The following FHIT variants were observed in gnomAD, a reference collection of about 807,000 sequenced individuals.
FHIT encodes bis(5'-adenosyl)-triphosphatase.
Under a neutral mutation model 17.9 loss-of-function variants are expected in FHIT, and 19 were observed. The ratio of observed to expected loss-of-function variants is 1.06; its 90% CI spans 0.74 to 1.56. The LOEUF is 1.56. Ranked by LOEUF, FHIT falls within the 40% of genes most tolerant of loss-of-function variation. The pLI is 0.00. For synonymous variants in FHIT, 81 were observed against 69.7 expected (o/e 1.16, Z -0.81); for missense variants, 248 against 189.2 (o/e 1.31, Z -1.82).
In FHIT at chr3:60,976,096, C is replaced by CTTTTTTTTTTTTTTTTTTTT. The variant is rs869239307; in HGVS notation, c.-111+65931_-111+65950dup. Among the ~76,000 whole-genome samples the CTTTTTTTTTTTTTTTTTTTT allele has an allele frequency of 1.1e-3, 76 of 66,790 alleles. 9 individuals are homozygous for CTTTTTTTTTTTTTTTTTTTT. Among genetic ancestry groups the CTTTTTTTTTTTTTTTTTTTT allele is most frequent in the South Asian group, 4.7e-3 (7 of 1,494 alleles). 43.8% of individuals were successfully genotyped at this position (66,790 alleles called of 152,430 possible). On this transcript the variant is annotated intron_variant, in intron 3 of 9. Transcript: ENST00000492590. ...CTTTGTATCTTTCGTTTTTCTTTTT[C>CTTTTTTTTTTTTTTTTTTTT]TTTTTTTTTTTTTTTTTTTTTTTTT...
chr3:60,258,546 C>T (rs912051235), intron 5 of FHIT, among the ~76,000 whole-genome samples: 7 of 150,658 alleles, frequency 4.6e-5, no homozygotes, highest in African/African-American at 1.2e-4. Flanking sequence ...AAGATTATTA[C>T]TTTAAAATAT....
At chr3:59,999,119 G>C (rs1045180989) in intron 7 of FHIT, among the ~76,000 whole-genome samples, 2 of 151,922 alleles carry the variant, frequency 1.3e-5, no homozygotes, top group African/African-American at 2.4e-5. Flanking sequence ...GGGTTTTCTC[G>C]CAGTCGACAA....
chr3:60,955,818 C>A (rs1185247642), intron 3 of FHIT, among the ~76,000 whole-genome samples: 6 of 151,682 alleles, frequency 4.0e-5, no homozygotes, highest in Non-Finnish European at 7.4e-5. Flanking sequence ...TGTTACAGTT[C>A]TTAAGGTAGA....
intron 4 of FHIT, among the ~76,000 whole-genome samples, chr3:60,805,997 A>G (rs1464876849): frequency 6.6e-6 from 1 of 152,246 alleles, no homozygotes; most frequent in Non-Finnish European, 1.5e-5. Flanking sequence ...AGAAGCATGA[A>G]TATTCTGTAT....
intron 3 of FHIT, among the ~76,000 whole-genome samples, chr3:60,863,367 G>A (rs1377042773): frequency 6.6e-6 from 1 of 152,218 alleles, no homozygotes; most frequent in African/African-American, 2.4e-5. Context: ...TTAGCCCAGT[G>A]AGACATGTAT....
intron 3 of FHIT, among the ~76,000 whole-genome samples, chr3:60,902,578 G>T (rs1239254364): frequency 6.6e-6 from 1 of 152,118 alleles, no homozygotes; most frequent in Admixed American, 6.6e-5. Flanking sequence ...AACAATTTTC[G>T]ATTCAAGACA....
At chr3:60,947,571 G>A (rs1486194703) in intron 3 of FHIT, among the ~76,000 whole-genome samples, 1 of 152,042 alleles carries the variant, frequency 6.6e-6, no homozygotes, top group East Asian at 1.9e-4. Flanking sequence ...ATTCTAATTG[G>A]TTGCATTCAC....
At chr3:61,079,345 G>T (rs979393891) in intron 2 of FHIT, among the ~76,000 whole-genome samples, 1 of 152,072 alleles carries the variant, frequency 6.6e-6, no homozygotes, top group Non-Finnish European at 1.5e-5. Flanking sequence ...TCACTTTGAG[G>T]ACACTATAGT....
intron 3 of FHIT, among the ~76,000 whole-genome samples, chr3:60,843,084 A>T (rs1277627157): frequency 6.6e-6 from 1 of 152,170 alleles, no homozygotes; most frequent in Non-Finnish European, 1.5e-5. Context: ...GTCTGTCTGC[A>T]GAAAGTAAGA....
intron 4 of FHIT, among the ~76,000 whole-genome samples, chr3:60,606,850 C>G (rs782472382): frequency 6.6e-6 from 1 of 152,124 alleles, no homozygotes; most frequent in Non-Finnish European, 1.5e-5. Flanking sequence ...TCCCTCCTGC[C>G]CGCATCTTGA....
rs1576102231 is a variant in FHIT, at chr3:60,101,789, T to C, written c.104-87637A>G. On this transcript the variant is annotated intron_variant, in intron 5 of 9. Coordinates refer to ENST00000492590, the MANE Select transcript of FHIT (RefSeq NM_002012.4). ...CAAGGTCTGTCATTACCTGGGCCCC[T>C]GCCATCCTTTCCAGCCTTATCAACC... Among the ~76,000 whole-genome samples the C allele has an allele frequency of 2.6e-5, 4 of 152,292 alleles. No homozygotes were observed. The South Asian group carries it at 8.3e-4, about 32-fold the overall frequency.
At chr3:60,992,674 C>T (rs1001446463) in intron 3 of FHIT, among the ~76,000 whole-genome samples, 1 of 152,322 alleles carries the variant, frequency 6.6e-6, no homozygotes, top group African/African-American at 2.4e-5. Flanking sequence ...TTCCCAAAAC[C>T]CTCTCTGGTG....
In FHIT at chr3:60,185,805, G is replaced by A. The variant is rs1449785024; in HGVS notation, c.104-171653C>T. On this transcript the variant is annotated intron_variant, in intron 5 of 9. Transcript: ENST00000492590. ...TGGTATTGTCAGTTTTTGGTATTTG[G>A]TATTTGCTCTACATCCTCCCTATTA... is the stretch of plus-strand genomic sequence containing the variant. 2.0e-5 allele frequency among the ~76,000 whole-genome samples: 3 copies of A among 152,120 alleles called. No homozygotes were observed. In the East Asian group the frequency reaches 5.8e-4, roughly 29 times the overall value.
rs1559698553 is a variant in FHIT at position 60,173,905 on chromosome 3, A to AT, written c.104-159754dup. Among the ~76,000 whole-genome samples, 11 of 75,164 alleles carry AT rather than the reference A, an allele frequency of 1.5e-4. 1 individual carries two copies. Among genetic ancestry groups the AT allele is most frequent in the Non-Finnish European group, 2.7e-4 (11 of 41,402 alleles). 49.3% of individuals were successfully genotyped at this position (75,164 alleles called of 152,430 possible). ...TTCTAATATATATATATATATATAT[A>AT]TATATATATATGTTTTTTTTTTTTT... On this transcript the variant is annotated intron_variant, in intron 5 of 9. Coordinates refer to ENST00000492590, the MANE Select transcript of FHIT (RefSeq NM_002012.4).
At chr3:60,985,224 A>G (rs1710668559) in intron 3 of FHIT, among the ~76,000 whole-genome samples, 1 of 152,106 alleles carries the variant, frequency 6.6e-6, no homozygotes, top group Non-Finnish European at 1.5e-5. Flanking sequence ...GCCATTTTGA[A>G]TGTGTTCTGT....
chr3:60,744,599 C>T (rs1577151008), intron 4 of FHIT, among the ~76,000 whole-genome samples: 1 of 152,172 alleles, frequency 6.6e-6, no homozygotes, highest in African/African-American at 2.4e-5. Context: ...CCACATCTAA[C>T]CAAAACCATT....
intron 2 of FHIT, among the ~76,000 whole-genome samples, chr3:61,125,032 A>AT (rs941583481): frequency 5.9e-5 from 9 of 152,068 alleles, no homozygotes; most frequent in African/African-American, 2.2e-4. Flanking sequence ...ATACCAAATC[A>AT]TTTTTTCTCC....
At chr3:60,949,860 A>G (rs1553776739) in intron 3 of FHIT, among the ~76,000 whole-genome samples, 2 of 152,244 alleles carry the variant, frequency 1.3e-5, no homozygotes, top group Admixed American at 1.3e-4. Context: ...CATCATTTAT[A>G]ATAGTAAAAC....
At chr3:60,616,491 T>C (rs13060659) in intron 4 of FHIT, among the ~76,000 whole-genome samples, 55,433 of 152,092 alleles carry the variant, frequency 0.36, 10,769 homozygotes, top group Non-Finnish European at 0.42. Flanking sequence ...CATAGCAAGC[T>C]TGTGGGACAA....
Sources: allele counts gnomAD v4.1 joint callset (sites outside exome capture counted in the v4.1 genomes callset), GRCh38; gene constraint gnomAD v4.1.1; transcripts MANE v1.5; gene names NCBI Gene and HGNC (gene_info 2026-07-23, HGNC 2026-07-21).